TIRAP: variants seen among roughly 807,000 people sequenced by gnomAD.
The protein encoded by TIRAP is toll/interleukin-1 receptor domain-containing adapter protein.
A neutral mutation model predicts 19.8 loss-of-function variants in TIRAP; 20 were observed. The observed-to-expected ratio is 1.01, with a 90% CI of 0.71 to 1.47. The LOEUF (loss-of-function observed/expected upper bound fraction) is 1.47, where lower values mean the gene tolerates loss of function less well. Among genes scored for constraint, TIRAP ranks in the 40% most tolerant of loss-of-function variants. The probability of loss-of-function intolerance (pLI) is 0.00; values close to 1 mark genes in which losing one functional copy is unlikely to be tolerated. For missense variants in TIRAP, 276 were observed against 285.1 expected (o/e 0.97, Z 0.23); for synonymous variants, 125 against 121.7 (o/e 1.03, Z -0.18).
At position 126,291,484 on chromosome 11, in the gene TIRAP, C is replaced by G. The variant is rs746808811; in HGVS notation, c.67+523C>G. On this transcript the variant is annotated intron_variant, in intron 3 of 4. Coordinates refer to ENST00000392679, the MANE Select transcript of TIRAP (RefSeq NM_001318777.2). The surrounding 1 kb of genome is among the most constrained non-coding windows in gnomAD (Gnocchi z 5.6). The stretch of plus-strand genomic sequence containing the variant: ...GAAGAGGCCCGGCTCCCTGACATAC[C>G]TGACACTGCATTATCTCAGTTAACT... 2.6e-6 allele frequency: 3 copies of G among 1,153,072 alleles called. No homozygotes were observed. In the East Asian group the frequency reaches 1.7e-4, roughly 63 times the overall value. The allele number at this position is 1,153,072 out of a possible 1,614,324, so 71.4% of individuals were successfully genotyped here. A position where few individuals can be genotyped will look rare whatever the true frequency, so the allele number is the denominator to read the frequency against.
Position 126,293,498 on chromosome 11 carries a change from T to G in TIRAP, c.647-170T>G, listed in dbSNP as rs1254769439. Reference sequence around the variant, plus strand: ...GGGACATTGGTTTAGTAAGGCAAAATGATGCAAAATAATAGGAAAGAAGTG... The same window carrying G: ...GGGACATTGGTTTAGTAAGGCAAAAGGATGCAAAATAATAGGAAAGAAGTG... On this transcript the variant is annotated intron_variant, in intron 4 of 4. Transcript: ENST00000392679. 5 of 863,402 alleles carry G rather than the reference T, an allele frequency of 5.8e-6. No individual in the cohort carries two copies. In the East Asian group the frequency reaches 1.2e-4, roughly 21 times the overall value. The allele number at this position is 863,402 out of a possible 1,614,324, so 53.5% of individuals were successfully genotyped here.
Position 126,291,182 on chromosome 11 carries a change from T to C in TIRAP, c.67+221T>C. On this transcript the variant is annotated intron_variant, in intron 3 of 4. Transcript: ENST00000392679. This position sits in a 1 kb window ranked among gnomAD's most constrained non-coding sequence, Gnocchi z 5.6. The stretch of plus-strand genomic sequence containing the variant: ...ATCTTTATCCTTTTGGCTCAAAGGT[T>C]TTCCAGGCCTGCTCAGCTAGCTTTC... 5 of 653,488 alleles carry C rather than the reference T, an allele frequency of 7.7e-6. No individual in the cohort carries two copies. The highest frequency in any genetic ancestry group is 1.3e-5 in the Non-Finnish European group (5 of 391,948). 40.5% of individuals were successfully genotyped at this position (653,488 alleles called of 1,614,324 possible).
rs8177361 is a variant in TIRAP, at chr11:126,287,467, C to T, written c.-216-2995C>T. On this transcript the variant is annotated intron_variant, in intron 1 of 4. Transcript: ENST00000392679. The surrounding 1 kb of genome is among the most constrained non-coding windows in gnomAD (Gnocchi z 4.2). ...TCCTGAGCAGCTGGGATTACAGGCA[C>T]GCACCACCACGCTTAGCTAATTTTT... is the stretch of plus-strand genomic sequence containing the variant. Among the ~76,000 whole-genome samples the T allele has an allele frequency of 6.0e-3, 908 of 151,808 alleles. 11 individuals are homozygous for T. Among genetic ancestry groups the T allele is most frequent in the African/African-American group, 0.021 (869 of 41,388 alleles).
rs1019219563 is a variant in TIRAP at position 126,288,266 on chromosome 11, A to G, written c.-216-2196A>G. On this transcript the variant is annotated intron_variant, in intron 1 of 4. Transcript: ENST00000392679. The surrounding 1 kb of genome is among the most constrained non-coding windows in gnomAD (Gnocchi z 5.0). ...ACTTTATGAATTTTTTCAAAGCACA[A>G]AGAAAGCGACTGCGTATTAGACCAC... Among the ~76,000 whole-genome samples, 9 of 152,244 alleles carry G rather than the reference A, an allele frequency of 5.9e-5. No individual in the cohort carries two copies. The highest frequency in any genetic ancestry group is 1.0e-4 in the Non-Finnish European group (7 of 68,052).
Position 126,292,795 on chromosome 11 carries a change from T to C in TIRAP, c.386T>C (p.Ile129Thr). The C allele has an allele frequency of 1.9e-6, 3 of 1,613,190 alleles. No individual in the cohort carries two copies. Among genetic ancestry groups the C allele is most frequent in the Admixed American group, 1.7e-5 (1 of 59,926 alleles). ...QLRDATPGGA[I>T]VSELCQALSS... The stretch of plus-strand genomic sequence containing the variant: ...CGGGATGCAACCCCAGGCGGCGCTA[T>C]AGTGTCCGAGCTGTGCCAGGCACTG... Residue 129 changes from isoleucine to threonine, a missense_variant, in exon 4 of 5, where the codon ATA becomes ACA. By Grantham distance (89) the Ile-to-Thr change is moderately conservative (BLOSUM62 -1). Coordinates refer to ENST00000392679, the MANE Select transcript of TIRAP (RefSeq NM_001318777.2).
Position 126,292,630 on chromosome 11 carries a change from C to G in TIRAP, c.221C>G (p.Ala74Gly). 3.7e-6 allele frequency: 6 copies of G among 1,614,164 alleles called. 1 individual carries two copies. In the South Asian group the frequency reaches 4.4e-5, roughly 12 times the overall value. ...TCTCCCAGCCTGCCACCCACACATGCGAGTGACAGTGGCAGTAGTCGCTGG... is the reference window on the plus strand; with the variant it reads ...TCTCCCAGCCTGCCACCCACACATGGGAGTGACAGTGGCAGTAGTCGCTGG... ...VTSPSLPPTHASDSGSSRWSK... is the reference protein window; with the variant it reads ...VTSPSLPPTHGSDSGSSRWSK... Residue 74 changes from alanine (A) to glycine (G), a missense_variant, in exon 4 of 5, where the codon GCG becomes GGG. Ala to Gly is a moderately conservative substitution (Grantham distance 60). Transcript: ENST00000392679.
At position 126,286,917 on chromosome 11, in the gene TIRAP, T is replaced by C. The variant is rs553666219; in HGVS notation, c.-216-3545T>C. On this transcript the variant is annotated intron_variant, in intron 1 of 4. Coordinates refer to ENST00000392679, the MANE Select transcript of TIRAP (RefSeq NM_001318777.2). ...AACCCATGGACTTGCCTTTTCCAGC[T>C]TCTAGAGGCCACCTGCATCCCACTG... Among the ~76,000 whole-genome samples, 185 of 152,320 alleles carry C rather than the reference T, an allele frequency of 1.2e-3. 3 individuals carry two copies. Among genetic ancestry groups the C allele is most frequent in the Admixed American group, 1.2e-3 (19 of 15,302 alleles).
In TIRAP at chr11:126,291,627, C is replaced by T. The variant is rs1951389545; in HGVS notation, c.67+666C>T. On this transcript the variant is annotated intron_variant, in intron 3 of 4. Coordinates refer to ENST00000392679, the MANE Select transcript of TIRAP (RefSeq NM_001318777.2). This position sits in a 1 kb window ranked among gnomAD's most constrained non-coding sequence, Gnocchi z 5.6. Reference sequence around the variant, plus strand: ...CAGCAACTCTGAGCAGTAGCCTCTTCCCCATTTAGCGACAATCTAGGATTT... The same window carrying T: ...CAGCAACTCTGAGCAGTAGCCTCTTTCCCATTTAGCGACAATCTAGGATTT... 3 of 425,418 alleles carry T rather than the reference C, an allele frequency of 7.1e-6. No individual in the cohort carries two copies. The Admixed American group carries it at 7.5e-5, about 11-fold the overall frequency. The allele number at this position is 425,418 out of a possible 1,614,324, so 26.4% of individuals were successfully genotyped here. A position where few individuals can be genotyped will look rare whatever the true frequency, so the allele number is the denominator to read the frequency against.
chr11:126,286,186 A>T (rs907455119), intron 1 of TIRAP, among the ~76,000 whole-genome samples: 1 of 152,044 alleles, frequency 6.6e-6, no homozygotes, highest in Non-Finnish European at 1.5e-5. Context: ...TCAACATGGT[A>T]AAACCTCGTG....
rs924175195 is a variant in TIRAP at position 126,287,462 on chromosome 11, A to G, written c.-216-3000A>G. On this transcript the variant is annotated intron_variant, in intron 1 of 4. Transcript: ENST00000392679. This position sits in a 1 kb window ranked among gnomAD's most constrained non-coding sequence, Gnocchi z 4.2. ...CAGCCTCCTGAGCAGCTGGGATTACAGGCACGCACCACCACGCTTAGCTAA... is the reference window on the plus strand; with the variant it reads ...CAGCCTCCTGAGCAGCTGGGATTACGGGCACGCACCACCACGCTTAGCTAA... 6.6e-6 allele frequency among the ~76,000 whole-genome samples: 1 copy of G among 151,902 alleles called. No individual in the cohort carries two copies. The highest frequency in any genetic ancestry group is 1.5e-5 in the Non-Finnish European group (1 of 68,006).
Position 126,283,145 on chromosome 11 carries a change from C to G in TIRAP, c.-225C>G, listed in dbSNP as rs547657084. On this transcript the variant is annotated 5_prime_UTR_variant, in exon 1 of 5. Coordinates refer to ENST00000392679, the MANE Select transcript of TIRAP (RefSeq NM_001318777.2). ...GCGCAGCCCTCATCGCAACTGGGCC[C>G]GCGCGCAGGTGAGCCCGGGGCGGGG... The G allele has an allele frequency of 1.0e-6, 1 of 984,794 alleles. No homozygotes were observed. The allele number at this position is 984,794 out of a possible 1,614,324, so 61.0% of individuals were successfully genotyped here. A position where few individuals can be genotyped will look rare whatever the true frequency, so the allele number is the denominator to read the frequency against.
In TIRAP at chr11:126,293,751, G is replaced by A; in HGVS notation, c.*64G>A. 9 of 1,573,080 alleles carry A rather than the reference G, an allele frequency of 5.7e-6. No individual in the cohort carries two copies. Among genetic ancestry groups the A allele is most frequent in the Non-Finnish European group, 7.9e-6 (9 of 1,142,654 alleles). On this transcript the variant is annotated 3_prime_UTR_variant, in exon 5 of 5. Coordinates refer to ENST00000392679, the MANE Select transcript of TIRAP (RefSeq NM_001318777.2). Reference sequence around the variant, plus strand: ...GCTAGAAACAGAAAACCCATGCAGGGCCTCGGATTCCCACAAATGTGACAA... The same window carrying A: ...GCTAGAAACAGAAAACCCATGCAGGACCTCGGATTCCCACAAATGTGACAA...
rs547657084 is a variant in TIRAP at position 126,283,145 on chromosome 11, C to T, written c.-225C>T. On this transcript the variant is annotated 5_prime_UTR_variant, in exon 1 of 5. Transcript: ENST00000392679. ...GCGCAGCCCTCATCGCAACTGGGCC[C>T]GCGCGCAGGTGAGCCCGGGGCGGGG... 16 of 984,902 alleles carry T rather than the reference C, an allele frequency of 1.6e-5. No individual in the cohort carries two copies. In the South Asian group the frequency reaches 4.7e-4, roughly 29 times the overall value. 61.0% of individuals were successfully genotyped at this position (984,902 alleles called of 1,614,324 possible).
chr11:126,293,933 T>A lies in TIRAP; in HGVS notation c.*246T>A, dbSNP rs1951440873. On this transcript the variant is annotated 3_prime_UTR_variant, in exon 5 of 5. Transcript: ENST00000392679. ...CTGGGGATTCCCCCTAGGAAAGCCA[T>A]GAGGAAGCTGGGGACTCCCCAAGAA... 3.6e-6 allele frequency: 2 copies of A among 554,934 alleles called. No individual in the cohort carries two copies. The highest frequency in any genetic ancestry group is 6.3e-5 in the Admixed American group (2 of 31,636). The allele number at this position is 554,934 out of a possible 1,614,324, so 34.4% of individuals were successfully genotyped here. A position where few individuals can be genotyped will look rare whatever the true frequency, so the allele number is the denominator to read the frequency against.
chr11:126,293,098 C>G, intron 4 of TIRAP, 43 bp downstream of exon 4: 2 of 1,613,044 alleles, frequency 1.2e-6, no homozygotes, highest in South Asian at 2.2e-5. Flanking sequence ...GATTCAGCTA[C>G]AGTATCTGAT....
rs1369758311 is a variant in TIRAP at position 126,291,631 on chromosome 11, A to G, written c.67+670A>G. ...AACTCTGAGCAGTAGCCTCTTCCCC[A>G]TTTAGCGACAATCTAGGATTTCTTG... On this transcript the variant is annotated intron_variant, in intron 3 of 4. Transcript: ENST00000392679. The surrounding 1 kb of genome is among the most constrained non-coding windows in gnomAD (Gnocchi z 5.6). 1 of 421,748 alleles carries G rather than the reference A, an allele frequency of 2.4e-6. No individual in the cohort carries two copies. Among genetic ancestry groups the G allele is most frequent in the South Asian group, 1.7e-5 (1 of 58,734 alleles). 26.1% of individuals were successfully genotyped at this position (421,748 alleles called of 1,614,324 possible). A position where few individuals can be genotyped will look rare whatever the true frequency, so the allele number is the denominator to read the frequency against.
Position 126,291,577 on chromosome 11 carries a change from C to A in TIRAP, c.67+616C>A. The stretch of plus-strand genomic sequence containing the variant: ...TGTCCCTGACTCCAGAGTGTGGGTT[C>A]TGAATCACGAAGCTCTCTGCTCCTC... On this transcript the variant is annotated intron_variant, in intron 3 of 4. Coordinates refer to ENST00000392679, the MANE Select transcript of TIRAP (RefSeq NM_001318777.2). This position sits in a 1 kb window ranked among gnomAD's most constrained non-coding sequence, Gnocchi z 5.6. 1 of 494,100 alleles carries A rather than the reference C, an allele frequency of 2.0e-6. No homozygotes were observed. Among genetic ancestry groups the A allele is most frequent in the Non-Finnish European group, 3.8e-6 (1 of 261,806 alleles). The allele number at this position is 494,100 out of a possible 1,614,324, so 30.6% of individuals were successfully genotyped here. A position where few individuals can be genotyped will look rare whatever the true frequency, so the allele number is the denominator to read the frequency against.
At chr11:126,284,587 G>A (rs1951296221) in intron 1 of TIRAP, among the ~76,000 whole-genome samples, 1 of 152,004 alleles carries the variant, frequency 6.6e-6, no homozygotes, top group African/African-American at 2.4e-5. Flanking sequence ...GGGGAACAGT[G>A]GCTCACACCT....
At chr11:126,283,197 GGCTCC>G (rs1951275590) in intron 1 of TIRAP, 44 bp downstream of exon 1, 1 of 957,710 alleles carries the variant, frequency 1.0e-6, no homozygotes, top group East Asian at 1.2e-4. Flanking sequence ...GGCGCGGCGG[GGCTCC>G]GTGGGGTGGG....
Sources: allele counts gnomAD v4.1 joint callset (sites outside exome capture counted in the v4.1 genomes callset), GRCh38; gene constraint gnomAD v4.1.1; non-coding constraint Gnocchi (gnomAD v3.1); transcripts MANE v1.5; gene names NCBI Gene and HGNC (gene_info 2026-07-23, HGNC 2026-07-21).